The following SKI variants were observed in gnomAD, a reference collection of about 807,000 sequenced individuals.
The protein encoded by SKI is SKI proto-oncogene.
In SKI, 23 loss-of-function variants were observed where a neutral mutation model predicts 59.3. That is an observed-to-expected ratio of 0.39 (90% CI 0.28 to 0.55). The LOEUF is 0.55. Ranked by LOEUF, SKI falls within the 20% of genes least tolerant of loss-of-function variation. The pLI is 0.67. For missense variants in SKI, 1,017 were observed against 1,038.9 expected, an observed-to-expected ratio of 0.98 and a Z score of 0.29; for synonymous variants, 673 against 488.6, an observed-to-expected ratio of 1.38 and a Z score of -4.98.
rs1000927563 is a variant in SKI, at chr1:2,229,772, G to A, written c.969+37G>A. The stretch of plus-strand genomic sequence containing the variant: ...CAGGCCTGGGAGCTGGGGAGGATGC[G>A]CTTGGGGTGGGGGCCCCTTCTGGAC... On this transcript the variant is annotated intron_variant, in intron 1 of 6. Transcript: ENST00000378536. The surrounding 1 kb of genome is among the most constrained non-coding windows in gnomAD (Gnocchi z 6.3). 14 of 1,549,958 alleles carry A rather than the reference G, an allele frequency of 9.0e-6. No homozygotes were observed. The highest frequency in any genetic ancestry group is 1.2e-5 in the South Asian group (1 of 83,710).
intron 1 of SKI, among the ~76,000 whole-genome samples, chr1:2,258,038 T>G (rs12138597): frequency 3.9e-5 from 6 of 152,178 alleles, no homozygotes; most frequent in Admixed American, 3.9e-4. Context: ...GTGCCCAGCC[T>G]GCACAACATT....
rs887499814 is a variant in SKI, at chr1:2,308,605, T to G, written c.*1840T>G. The stretch of plus-strand genomic sequence containing the variant: ...TTTTAGCCTTGTTTTACCAGAGTTG[T>G]TTTTTTTTTCAGTTATTTCTTCAAG... On this transcript the variant is annotated 3_prime_UTR_variant, in exon 7 of 7. Coordinates refer to ENST00000378536, the MANE Select transcript of SKI (RefSeq NM_003036.4). 6.8e-5 allele frequency: 10 copies of G among 147,650 alleles called. No homozygotes were observed. The South Asian group carries it at 1.1e-3, about 16-fold the overall frequency. The allele number at this position is 147,650 out of a possible 1,614,324, so 9.1% of individuals were successfully genotyped here. A position where few individuals can be genotyped will look rare whatever the true frequency, so the allele number is the denominator to read the frequency against.
chr1:2,260,529 C>CTTTTTCTTTTTT (rs1390123716), intron 1 of SKI, among the ~76,000 whole-genome samples: 1 of 51,324 alleles, frequency 1.9e-5, no homozygotes, highest in Non-Finnish European at 3.9e-5. Flanking sequence ...TCAGTTTGTT[C>CTTTTTCTTTTTT]TTTTTCTTTT....
intron 1 of SKI, chr1:2,240,630 C>A (rs886161464): frequency 9.2e-5 from 91 of 985,310 alleles, no homozygotes; most frequent in Non-Finnish European, 1.1e-4. Flanking sequence ...CCGAAGTAAC[C>A]ATACAGCATT....
Position 2,294,908 on chromosome 1 carries a change from C to A in SKI, c.970-8070C>A, listed in dbSNP as rs940363432. 5.9e-5 allele frequency among the ~76,000 whole-genome samples: 9 copies of A among 152,360 alleles called. No homozygotes were observed. In the East Asian group the frequency reaches 1.7e-3, roughly 29 times the overall value. On this transcript the variant is annotated intron_variant, in intron 1 of 6. Coordinates refer to ENST00000378536, the MANE Select transcript of SKI (RefSeq NM_003036.4). ...CTGTGCCTGGGTTGGAGGCCACGCC[C>A]ACCCAGTGGGGCCCCTCTGGAAAGG...
intron 1 of SKI, among the ~76,000 whole-genome samples, chr1:2,271,786 A>G (rs2100855303): frequency 6.6e-6 from 1 of 151,924 alleles, no homozygotes; most frequent in Non-Finnish European, 1.5e-5. Flanking sequence ...CCTCCCCCCA[A>G]CCTCACGTCC....
intron 1 of SKI, among the ~76,000 whole-genome samples, chr1:2,250,332 C>T (rs993235020): frequency 5.3e-5 from 8 of 152,212 alleles, no homozygotes; most frequent in South Asian, 2.1e-4. Context: ...TCCCAGAACC[C>T]GCTGTCCGTT....
chr1:2,293,921 A>C (rs191619387), intron 1 of SKI, among the ~76,000 whole-genome samples: 1 of 152,208 alleles, frequency 6.6e-6, no homozygotes, highest in African/African-American at 2.4e-5. Flanking sequence ...CCGCGCCACC[A>C]TGGGGGTCCA....
intron 1 of SKI, among the ~76,000 whole-genome samples, chr1:2,271,837 G>T (rs1188932598): frequency 2.0e-5 from 3 of 152,322 alleles, no homozygotes; most frequent in Admixed American, 1.3e-4. Context: ...GACATTGTGC[G>T]ATGGCCCCAG....
At chr1:2,285,729 A>G (rs1640025860) in intron 1 of SKI, among the ~76,000 whole-genome samples, 1 of 149,502 alleles carries the variant, frequency 6.7e-6, no homozygotes, top group African/African-American at 2.5e-5. Context: ...ATGCCCAGCC[A>G]ATTTTTGTAT....
chr1:2,305,514 C>T (rs908766093), intron 5 of SKI, among the ~76,000 whole-genome samples: 15 of 152,230 alleles, frequency 9.9e-5, no homozygotes, highest in Non-Finnish European at 1.3e-4. Context: ...TGATTTCCCA[C>T]ATACATATTC....
chr1:2,298,687 G>GCAGACCACATCCCAGGTGA (rs1344228070), intron 1 of SKI, among the ~76,000 whole-genome samples: 22 of 152,342 alleles, frequency 1.4e-4, no homozygotes, highest in South Asian at 4.1e-4. Flanking sequence ...CTGCTTCCAG[G>GCAGACCACATCCCAGGTGA]CAGACCACAT....
intron 1 of SKI, among the ~76,000 whole-genome samples, chr1:2,255,829 C>T (rs796760143): frequency 2.0e-5 from 3 of 151,742 alleles, no homozygotes; most frequent in African/African-American, 7.3e-5. Context: ...TTGTCCTGAC[C>T]TCATTTCCTG....
In SKI at chr1:2,228,361, C is replaced by T. The variant is rs1373834441; in HGVS notation, c.-406C>T. Among the ~76,000 whole-genome samples the T allele has an allele frequency of 1.4e-5, 2 of 142,720 alleles. No individual in the cohort carries two copies. The highest frequency in any genetic ancestry group is 2.1e-4 in the East Asian group (1 of 4,756). The allele number at this position is 142,720 out of a possible 152,430, so 93.6% of individuals were successfully genotyped here. A position where few individuals can be genotyped will look rare whatever the true frequency, so the allele number is the denominator to read the frequency against. ...CGGCCTCGGCCGCCGCGGCGATTCGCGCCTCGCGGCGCCGGCACCTGCCCG... is the reference window on the plus strand; with the variant it reads ...CGGCCTCGGCCGCCGCGGCGATTCGTGCCTCGCGGCGCCGGCACCTGCCCG... On this transcript the variant is annotated 5_prime_UTR_variant, in exon 1 of 7. Coordinates refer to ENST00000378536, the MANE Select transcript of SKI (RefSeq NM_003036.4).
intron 1 of SKI, among the ~76,000 whole-genome samples, chr1:2,260,544 T>C (rs549834807): frequency 0.029 from 3,714 of 128,740 alleles, 108 homozygotes; most frequent in Middle Eastern, 0.063. Context: ...TCTTTTTTTT[T>C]TTTTTTTTTT....
chr1:2,305,990 C>G (rs753956444), intron 5 of SKI, 30 bp from the exon 6 acceptor site: 1 of 1,506,794 alleles, frequency 6.6e-7, no homozygotes, highest in Non-Finnish European at 9.0e-7. Context: ...ACCGGCTGGG[C>G]AGTGACCCCG....
At chr1:2,297,442 G>A (rs1640311619) in intron 1 of SKI, among the ~76,000 whole-genome samples, 2 of 152,204 alleles carry the variant, frequency 1.3e-5, no homozygotes, top group Admixed American at 6.5e-5. Context: ...GCGGCCTCTT[G>A]GGAATGTCAG....
intron 1 of SKI, among the ~76,000 whole-genome samples, chr1:2,249,913 G>GT (rs879591645): frequency 1.1e-3 from 166 of 148,024 alleles, no homozygotes; most frequent in Middle Eastern, 3.4e-3. Flanking sequence ...TTTGGCCACA[G>GT]TTTTTTTTTT....
intron 1 of SKI, among the ~76,000 whole-genome samples, chr1:2,254,591 G>A (rs935864072): frequency 6.6e-6 from 1 of 152,224 alleles, no homozygotes; most frequent in African/African-American, 2.4e-5. Flanking sequence ...CGGTCTACCT[G>A]TCTGGCCTTG....
Sources: gnomAD v4.1 joint callset for allele counts (sites outside exome capture counted in the v4.1 genomes callset) on GRCh38, gnomAD v4.1.1 for gene constraint, Gnocchi (gnomAD v3.1) non-coding constraint, MANE v1.5 for transcripts, NCBI Gene and HGNC (gene_info 2026-07-23, HGNC 2026-07-21) for gene names.